The following TLE3 variants were observed in gnomAD, a reference collection of about 807,000 sequenced individuals.
TLE3 encodes the protein transducin-like enhancer protein 3.
A neutral mutation model predicts 93.0 loss-of-function variants in TLE3; 14 were observed. That is an observed-to-expected ratio of 0.15 (90% CI 0.10 to 0.24). The LOEUF (loss-of-function observed/expected upper bound fraction) is 0.24. Ranked by LOEUF, TLE3 falls within the 10% of genes least tolerant of loss-of-function variation. TLE3 has a pLI of 1.00. For missense variants in TLE3, 693 were observed against 1,046.6 expected (o/e 0.66, Z 4.66); for synonymous variants, 451 against 425.0 (o/e 1.06, Z -0.75).
rs762302377 is a variant in TLE3 at position 70,074,618 on chromosome 15, G to A, written c.298-11C>T. 1.5e-5 allele frequency: 24 copies of A among 1,604,672 alleles called. No homozygotes were observed. Among genetic ancestry groups the A allele is most frequent in the Non-Finnish European group, 2.0e-5 (23 of 1,175,932 alleles). ...CACCTGCTGCTGGTGCTGGAGGGAA[G>A]AGGGTGTGCGTTAGATGCAGCCACT... On this transcript the variant is annotated splice_polypyrimidine_tract_variant and intron_variant, in intron 5 of 19. Coordinates refer to ENST00000451782, the MANE Select transcript of TLE3 (RefSeq NM_001105192.3).
At chr15:70,052,548 G>A (rs1414269666) in intron 17 of TLE3, 24 bp from the exon 18 acceptor site, 1 of 1,608,052 alleles carries the variant, frequency 6.2e-7, no homozygotes, top group Non-Finnish European at 8.5e-7. Flanking sequence ...GAGGGCAGAT[G>A]GACTGAGCTC....
At chr15:70,052,982 C>CCGTA in intron 17 of TLE3, 9 of 493,088 alleles carry the variant, frequency 1.8e-5, no homozygotes, top group South Asian at 1.6e-4. Flanking sequence ...GGACAAAGTG[C>CCGTA]TCAATAGCAG....
intron 2 of TLE3, chr15:70,095,869 A>T: frequency 1.6e-6 from 1 of 634,680 alleles, no homozygotes; most frequent in African/African-American, 1.8e-5. Flanking sequence ...TCACGGCAGC[A>T]GGGGAGTAGG....
chr15:70,076,240 TC>T, intron 4 of TLE3, 82 bp from the exon 5 acceptor site: 3 of 1,127,444 alleles, frequency 2.7e-6, no homozygotes, highest in Non-Finnish European at 4.0e-6. Context: ...AAATGCAAAC[TC>T]CCCCCAGACC....
At chr15:70,067,208 T>C (rs2056869484) in intron 6 of TLE3, among the ~76,000 whole-genome samples, 1 of 152,192 alleles carries the variant, frequency 6.6e-6, no homozygotes, top group Admixed American at 6.5e-5. Context: ...CCTCAGGGGC[T>C]TGGGCTTCTC....
At chr15:70,070,084 T>A (rs964858167) in intron 6 of TLE3, among the ~76,000 whole-genome samples, 1 of 152,214 alleles carries the variant, frequency 6.6e-6, no homozygotes, top group South Asian at 2.1e-4. Context: ...CCATCCACAA[T>A]ATGAAAGGAA....
At chr15:70,071,678 C>A (rs914487495) in intron 6 of TLE3, among the ~76,000 whole-genome samples, 2 of 152,142 alleles carry the variant, frequency 1.3e-5, no homozygotes, top group Admixed American at 6.5e-5. Context: ...TTGCCCAAAG[C>A]CCTCCTCTAA....
At position 70,075,254 on chromosome 15, in the gene TLE3, T is replaced by TG. The variant is rs552537457; in HGVS notation, c.298-648dup. 1.2e-3 allele frequency among the ~76,000 whole-genome samples: 180 copies of TG among 152,356 alleles called. 1 individual carries two copies. The highest frequency in any genetic ancestry group is 6.8e-3 in the Middle Eastern group (2 of 294). Reference sequence around the variant, plus strand: ...ATCAGTTTCAACAAATGTACCACTCTGGTGAGGATGTTGATAGTGGGGAGG... The same window carrying TG: ...ATCAGTTTCAACAAATGTACCACTCTGGGTGAGGATGTTGATAGTGGGGAGG... On this transcript the variant is annotated intron_variant, in intron 5 of 19. Coordinates refer to ENST00000451782, the MANE Select transcript of TLE3 (RefSeq NM_001105192.3).
intron 9 of TLE3, 97 bp from the exon 10 acceptor site, chr15:70,059,557 C>T: frequency 7.9e-7 from 1 of 1,264,784 alleles, no homozygotes; most frequent in Non-Finnish European, 1.1e-6. Flanking sequence ...TGGCCAGGAC[C>T]TGAAGCCAGG....
rs188812395 is a variant in TLE3, at chr15:70,069,464, G to A, written c.373-3246C>T. On this transcript the variant is annotated intron_variant, in intron 6 of 19. Coordinates refer to ENST00000451782, the MANE Select transcript of TLE3 (RefSeq NM_001105192.3). Reference sequence around the variant, plus strand: ...TTAAGCTTCCAAGGCTGAGAGGCTGGTTTTCTGCCTTAGTGTTGTCAGGTA... The same window carrying A: ...TTAAGCTTCCAAGGCTGAGAGGCTGATTTTCTGCCTTAGTGTTGTCAGGTA... 4.3e-3 allele frequency among the ~76,000 whole-genome samples: 651 copies of A among 149,918 alleles called. 7 individuals carry two copies. Among genetic ancestry groups the A allele is most frequent in the African/African-American group, 0.016 (621 of 39,292 alleles).
chr15:70,061,110 G>A (rs1244015877), intron 8 of TLE3, among the ~76,000 whole-genome samples: 2 of 152,168 alleles, frequency 1.3e-5, no homozygotes, highest in South Asian at 2.1e-4. Context: ...CATTTGCTGA[G>A]CCCGACAGGA....
chr15:70,086,044 T>C (rs936018323), intron 4 of TLE3, among the ~76,000 whole-genome samples: 9 of 152,106 alleles, frequency 5.9e-5, no homozygotes, highest in Non-Finnish European at 1.5e-5. Context: ...CAGGCTCACT[T>C]CCTCTGTCTC....
In TLE3 at chr15:70,052,535, T is replaced by TG; in HGVS notation, c.1975-12dup. On this transcript the variant is annotated splice_polypyrimidine_tract_variant and intron_variant, in intron 17 of 19. Coordinates refer to ENST00000451782, the MANE Select transcript of TLE3 (RefSeq NM_001105192.3). ...GCCCAGCGAGAAGATCTGCAGGTGGTGGGAGGGCAGATGGACTGAGCTCAG... is the reference window on the plus strand; with the variant it reads ...GCCCAGCGAGAAGATCTGCAGGTGGTGGGGAGGGCAGATGGACTGAGCTCAG... 4 of 1,611,562 alleles carry TG rather than the reference T, an allele frequency of 2.5e-6. No individual in the cohort carries two copies. Among genetic ancestry groups the TG allele is most frequent in the Non-Finnish European group, 3.4e-6 (4 of 1,179,258 alleles).
rs2058614329 is a variant in TLE3 at position 70,097,421 on chromosome 15, G to GTC, written c.-624_-623insGA. ...GCGCTTCGACGCCCCCCCTCGGAGA[G>GTC]GAGAGCCTGCTGTTCCGTCTGCTAC... On this transcript the variant is annotated 5_prime_UTR_variant, in exon 1 of 20. Coordinates refer to ENST00000451782, the MANE Select transcript of TLE3 (RefSeq NM_001105192.3). 1.2e-5 allele frequency: 5 copies of GTC among 412,984 alleles called. No individual in the cohort carries two copies. The highest frequency in any genetic ancestry group is 2.1e-5 in the Non-Finnish European group (5 of 234,890). The allele number at this position is 412,984 out of a possible 1,614,324, so 25.6% of individuals were successfully genotyped here.
chr15:70,072,007 C>T (rs1189079244), intron 6 of TLE3, among the ~76,000 whole-genome samples: 10 of 152,220 alleles, frequency 6.6e-5, no homozygotes, highest in South Asian at 6.2e-4. Context: ...AGTGCGAGCA[C>T]GACTCGGCTG....
chr15:70,093,734 C>G (rs939111824), intron 4 of TLE3, among the ~76,000 whole-genome samples: 4 of 152,204 alleles, frequency 2.6e-5, no homozygotes, highest in African/African-American at 7.2e-5. Context: ...TGTATTTGCT[C>G]GGTTTGAGGT....
intron 14 of TLE3, chr15:70,055,517 T>C: frequency 3.9e-6 from 2 of 507,250 alleles, no homozygotes; most frequent in East Asian, 6.8e-5. Flanking sequence ...CCCAGTTATA[T>C]ATCCTTGCTT....
chr15:70,094,843 TC>T, intron 3 of TLE3: 1 of 440,086 alleles, frequency 2.3e-6, no homozygotes. Context: ...GTGCCCTATA[TC>T]CTGTTTATAC....
At position 70,096,142 on chromosome 15, in the gene TLE3, C is replaced by T; in HGVS notation, c.125+19G>A. 6.5e-7 allele frequency: 1 copy of T among 1,543,590 alleles called. No individual in the cohort carries two copies. Among genetic ancestry groups the T allele is most frequent in the Non-Finnish European group, 8.8e-7 (1 of 1,141,366 alleles). ...CCACCCCTCCCCGCCAGCCCCGGGG[C>T]GGCCCCCACCGGCCTTACCTGTGAT... On this transcript the variant is annotated intron_variant, in intron 2 of 19. Coordinates refer to ENST00000451782, the MANE Select transcript of TLE3 (RefSeq NM_001105192.3).
Sources: gnomAD v4.1 joint callset for allele counts (sites outside exome capture counted in the v4.1 genomes callset) on GRCh38, gnomAD v4.1.1 for gene constraint, MANE v1.5 for transcripts, NCBI Gene and HGNC (gene_info 2026-07-23, HGNC 2026-07-21) for gene names.